SOX6: variants seen among roughly 807,000 people sequenced by gnomAD.
The protein encoded by SOX6 is SRY-box transcription factor 6.
A neutral mutation model predicts 97.8 loss-of-function variants in SOX6; 11 were observed. The observed-to-expected ratio is 0.11, with a 90% CI of 0.07 to 0.19. SOX6 has a LOEUF of 0.19. Among genes scored for constraint, SOX6 ranks in the 10% least tolerant of loss-of-function variants. The pLI, the probability that SOX6 is intolerant of heterozygous loss-of-function variation, is 1.00. For missense variants in SOX6, 810 were observed against 1,039.5 expected (o/e 0.78, Z 3.04); for synonymous variants, 360 against 371.4 (o/e 0.97, Z 0.35).
intron 6 of SOX6, among the ~76,000 whole-genome samples, chr11:16,128,211 T>C (rs1849654724): frequency 6.6e-6 from 1 of 152,214 alleles, no homozygotes; most frequent in African/African-American, 2.4e-5. Context: ...ACATTTCCCA[T>C]TAAAAATTAG....
chr11:16,609,817 T>C (rs1650615446), intron 4 of SOX6, among the ~76,000 whole-genome samples: 1 of 152,218 alleles, frequency 6.6e-6, no homozygotes, highest in Admixed American at 6.5e-5. Flanking sequence ...TGAAGACTGG[T>C]AGCTTGGGGA....
At chr11:16,591,641 C>T (rs1327138669) in intron 4 of SOX6, among the ~76,000 whole-genome samples, 2 of 152,042 alleles carry the variant, frequency 1.3e-5, no homozygotes, top group Admixed American at 6.6e-5. Context: ...ATATTCTAAC[C>T]TGTTTAGTGA....
intron 3 of SOX6, among the ~76,000 whole-genome samples, chr11:16,714,405 G>A (rs1720032586): frequency 7.3e-6 from 1 of 137,218 alleles, no homozygotes; most frequent in Non-Finnish European, 1.6e-5. Context: ...AAATACCTTT[G>A]TTATTTACCT....
At position 16,610,827 on chromosome 11, in the gene SOX6, T is replaced by A. The variant is rs1271240412; in HGVS notation, n.609+1254A>T. Among the ~76,000 whole-genome samples the A allele has an allele frequency of 6.6e-6, 1 of 152,128 alleles. No homozygotes were observed. Among genetic ancestry groups the A allele is most frequent in the African/African-American group, 2.4e-5 (1 of 41,424 alleles). On this transcript the variant is annotated intron_variant and non_coding_transcript_variant, in intron 4 of 5. Coordinates refer to the SOX6 transcript ENST00000524520. The surrounding 1 kb of genome is among the most constrained non-coding windows in gnomAD (Gnocchi z 4.4). ...AGCGCAGCAGCCTGCTAAAGTAAAG[T>A]GCTGGGCTCTCCACCTACCTGGTGC...
intron 3 of SOX6, among the ~76,000 whole-genome samples, chr11:16,697,892 A>T (rs1400605094): frequency 2.0e-5 from 3 of 152,248 alleles, no homozygotes; most frequent in Non-Finnish European, 4.4e-5. Flanking sequence ...CAGTGGGCTT[A>T]AAATATTCAG....
At chr11:16,591,195 T>C (rs1848146141) in intron 4 of SOX6, among the ~76,000 whole-genome samples, 1 of 152,140 alleles carries the variant, frequency 6.6e-6, no homozygotes, top group African/African-American at 2.4e-5. Context: ...TCACTGCTTA[T>C]ATTATGGTAG....
intron 9 of SOX6, among the ~76,000 whole-genome samples, chr11:16,067,829 T>C (rs143741084): frequency 3.9e-5 from 6 of 152,230 alleles, no homozygotes; most frequent in African/African-American, 1.4e-4. Context: ...AATTAAAATT[T>C]CAATTTAAAA....
intron 1 of SOX6, among the ~76,000 whole-genome samples, chr11:16,406,041 A>G (rs962160404): frequency 9.9e-5 from 15 of 152,124 alleles, no homozygotes; most frequent in African/African-American, 3.4e-4. Context: ...TTTATGGACT[A>G]AATCGTTCTG....
intron 4 of SOX6, among the ~76,000 whole-genome samples, chr11:16,510,828 G>T (rs1386475871): frequency 6.6e-6 from 1 of 152,038 alleles, no homozygotes; most frequent in Non-Finnish European, 1.5e-5. Flanking sequence ...TTCTAGCATA[G>T]TAATTAATTT....
At chr11:16,146,134 G>T (rs1310212841) in intron 6 of SOX6, among the ~76,000 whole-genome samples, 1 of 152,124 alleles carries the variant, frequency 6.6e-6, no homozygotes, top group Non-Finnish European at 1.5e-5. Context: ...AAACAGCATG[G>T]TACCACTACC....
chr11:16,267,116 C>T (rs943304099), intron 3 of SOX6, among the ~76,000 whole-genome samples: 1 of 151,240 alleles, frequency 6.6e-6, no homozygotes, highest in African/African-American at 2.4e-5. Flanking sequence ...AAAAACTATA[C>T]AACACTTGTC....
chr11:16,632,938 C>A (rs1179614888), intron 3 of SOX6, among the ~76,000 whole-genome samples: 1 of 152,160 alleles, frequency 6.6e-6, no homozygotes, highest in South Asian at 2.1e-4. Context: ...CTTCCCTGCA[C>A]CAGGATCTCT....
intron 4 of SOX6, among the ~76,000 whole-genome samples, chr11:16,558,529 T>A (rs1256768680): frequency 6.6e-6 from 1 of 152,046 alleles, no homozygotes; most frequent in Non-Finnish European, 1.5e-5. Flanking sequence ...GTCAGGTGTA[T>A]CATACATCCC....
chr11:16,185,871 A>T (rs918992748), intron 5 of SOX6, among the ~76,000 whole-genome samples: 5 of 152,134 alleles, frequency 3.3e-5, no homozygotes, highest in African/African-American at 1.2e-4. Flanking sequence ...AATACCAGAC[A>T]TCACAACTCA....
chr11:16,500,634 C>T (rs1280150648), intron 4 of SOX6, among the ~76,000 whole-genome samples: 1 of 152,118 alleles, frequency 6.6e-6, no homozygotes, highest in Non-Finnish European at 1.5e-5. Flanking sequence ...AATCAATGTG[C>T]AAAAATCACA....
At chr11:16,378,938 AT>A (rs984892156) in intron 1 of SOX6, among the ~76,000 whole-genome samples, 4 of 151,936 alleles carry the variant, frequency 2.6e-5, no homozygotes, top group Admixed American at 6.6e-5. Context: ...TATTCTAAAT[AT>A]TTTTTATATA....
At chr11:16,014,266 A>T (rs1356857677) in intron 13 of SOX6, among the ~76,000 whole-genome samples, 2 of 152,102 alleles carry the variant, frequency 1.3e-5, no homozygotes, top group African/African-American at 2.4e-5. Context: ...GCGAACAGGC[A>T]TTGATATTGG....
At chr11:16,421,131 C>A (rs1859013942) in intron 1 of SOX6, among the ~76,000 whole-genome samples, 1 of 152,090 alleles carries the variant, frequency 6.6e-6, no homozygotes, top group South Asian at 2.1e-4. Context: ...GGACAGTATC[C>A]TTATTCTCGA....
intron 4 of SOX6, among the ~76,000 whole-genome samples, chr11:16,520,738 G>A (rs1333520046): frequency 6.6e-6 from 1 of 152,218 alleles, no homozygotes; most frequent in Non-Finnish European, 1.5e-5. Flanking sequence ...AGAAAGGGGT[G>A]ATGGACGGCA....
Sources: gnomAD v4.1 joint callset for allele counts (sites outside exome capture counted in the v4.1 genomes callset) on GRCh38, gnomAD v4.1.1 for gene constraint, Gnocchi (gnomAD v3.1) non-coding constraint, MANE v1.5 for transcripts, NCBI Gene and HGNC (gene_info 2026-07-23, HGNC 2026-07-21) for gene names.